The following MTHFD1L variants were observed in gnomAD, a reference collection of about 807,000 sequenced individuals.
MTHFD1L encodes the protein methylenetetrahydrofolate dehydrogenase (NADP+ dependent) 1 like, also known as monofunctional C1-tetrahydrofolate synthase, mitochondrial.
MTHFD1L carries 81 observed loss-of-function variants against 119.5 expected under a neutral mutation model. The ratio of observed to expected loss-of-function variants is 0.68; its 90% CI spans 0.57 to 0.82. The LOEUF (loss-of-function observed/expected upper bound fraction) is 0.82, where lower values mean the gene tolerates loss of function less well. Ranked by LOEUF, MTHFD1L falls within the 40% of genes least tolerant of loss-of-function variation. MTHFD1L has a pLI of 0.00. For missense variants in MTHFD1L, 1,125 were observed against 1,253.4 expected (o/e 0.90, Z 1.55); for synonymous variants, 430 against 475.2 (o/e 0.90, Z 1.24).
chr6:151,041,047 C>A (rs1264042382), intron 26 of MTHFD1L, among the ~76,000 whole-genome samples: 1 of 152,204 alleles, frequency 6.6e-6, no homozygotes, highest in African/African-American at 2.4e-5. Flanking sequence ...CCTCCTGTGG[C>A]CACACACGGG....
chr6:150,912,811 G>A (rs1787149032), intron 8 of MTHFD1L: 1 of 379,240 alleles, frequency 2.6e-6, no homozygotes, highest in Admixed American at 2.8e-5. Context: ...TCGTTGGACT[G>A]TGATCCCAGG....
At chr6:151,046,473 A>ATATATATATATATATATATG (rs1788071170) in intron 26 of MTHFD1L, among the ~76,000 whole-genome samples, 1 of 6,044 alleles carries the variant, frequency 1.7e-4, no homozygotes, top group African/African-American at 4.4e-4. Context: ...GTGTGTGTGT[A>ATATATATATATATATATATG]TATATATATA....
intron 13 of MTHFD1L, among the ~76,000 whole-genome samples, chr6:150,943,776 G>A (rs180737569): frequency 6.7e-4 from 102 of 152,234 alleles, no homozygotes; most frequent in African/African-American, 2.2e-3. Context: ...AATGATAATC[G>A]AGTGTGCTCA....
intron 26 of MTHFD1L, among the ~76,000 whole-genome samples, chr6:151,071,776 C>T (rs1453298650): frequency 3.4e-5 from 5 of 149,126 alleles, no homozygotes; most frequent in Admixed American, 2.7e-4. Flanking sequence ...ATTTCCTCTT[C>T]TTTTCTACAG....
At chr6:150,903,217 T>C (rs1165259686) in intron 7 of MTHFD1L, among the ~76,000 whole-genome samples, 12 of 133,712 alleles carry the variant, frequency 9.0e-5, no homozygotes, top group African/African-American at 2.3e-4. Flanking sequence ...TTTTTTTTTT[T>C]TTTTTTTTTT....
intron 8 of MTHFD1L, chr6:150,913,082 C>G (rs933317159): frequency 9.1e-5 from 14 of 154,248 alleles, no homozygotes; most frequent in African/African-American, 3.4e-4. Flanking sequence ...CAACTGCAGG[C>G]CCACTGCATC....
intron 15 of MTHFD1L, among the ~76,000 whole-genome samples, chr6:150,948,016 T>C (rs184575160): frequency 2.0e-4 from 30 of 147,596 alleles, no homozygotes; most frequent in African/African-American, 7.4e-4. Flanking sequence ...TTGTTTTTTG[T>C]TTTTTTTTGA....
At chr6:150,900,143 G>T (rs1784890001) in intron 7 of MTHFD1L, among the ~76,000 whole-genome samples, 1 of 151,890 alleles carries the variant, frequency 6.6e-6, no homozygotes, top group Non-Finnish European at 1.5e-5. Context: ...TATTAGGCAT[G>T]GTTCCTAATG....
chr6:151,074,590 A>G (rs911245189), intron 26 of MTHFD1L, among the ~76,000 whole-genome samples: 10 of 152,240 alleles, frequency 6.6e-5, no homozygotes, highest in Admixed American at 2.0e-4. Context: ...TGAAATGTGT[A>G]TGTAGTCATG....
In MTHFD1L at chr6:150,894,397, C is replaced by T. The variant is rs76614008; in HGVS notation, c.780+6416C>T. On this transcript the variant is annotated intron_variant, in intron 7 of 27. Transcript: ENST00000367321. ...CTCTCTGTCTGTGAGGTCTCCCAGC[C>T]GAATATTGGCCAAGGGAGTGAAACC... Among the ~76,000 whole-genome samples the T allele has an allele frequency of 2.0e-4, 31 of 152,098 alleles. No individual in the cohort carries two copies. The East Asian group carries it at 5.4e-3, about 27-fold the overall frequency.
chr6:150,964,930 T>C (rs1562465159), intron 18 of MTHFD1L, 39 bp from the exon 19 acceptor site: 18 of 1,597,002 alleles, frequency 1.1e-5, no homozygotes, highest in Non-Finnish European at 1.5e-5. Flanking sequence ...GCCTGGATGA[T>C]ATTTTGTCAG....
chr6:150,879,593 T>A (rs1781043370), intron 4 of MTHFD1L, among the ~76,000 whole-genome samples: 1 of 150,844 alleles, frequency 6.6e-6, no homozygotes, highest in Admixed American at 6.6e-5. Flanking sequence ...CAGCTGGAAT[T>A]TGCTTTTCTT....
intron 26 of MTHFD1L, among the ~76,000 whole-genome samples, chr6:151,040,322 G>A (rs1562580781): frequency 6.6e-6 from 1 of 152,208 alleles, no homozygotes; most frequent in East Asian, 1.9e-4. Flanking sequence ...GGTGGTAGAC[G>A]CAGATAGAAG....
At chr6:150,890,728 G>T (rs1783110123) in intron 7 of MTHFD1L, among the ~76,000 whole-genome samples, 3 of 152,112 alleles carry the variant, frequency 2.0e-5, no homozygotes, top group Admixed American at 2.0e-4. Flanking sequence ...GGAAAGTCTA[G>T]CAAAAAGCTC....
chr6:150,937,263 G>A (rs1176208019), intron 12 of MTHFD1L, among the ~76,000 whole-genome samples: 8 of 152,064 alleles, frequency 5.3e-5, no homozygotes, highest in Admixed American at 4.6e-4. Flanking sequence ...CATCCATATC[G>A]GTGTTTGATC....
At position 150,950,906 on chromosome 6, in the gene MTHFD1L, C is replaced by T. The variant is rs546079502; in HGVS notation, c.1726+1773C>T. On this transcript the variant is annotated intron_variant, in intron 16 of 27. Coordinates refer to ENST00000367321, the MANE Select transcript of MTHFD1L (RefSeq NM_015440.5). ...CTGGTCTGGAACTCCTGACCTCAAA[C>T]GATCCGCCCACCTCAGCCTCCCAAA... Among the ~76,000 whole-genome samples, 10 of 152,016 alleles carry T rather than the reference C, an allele frequency of 6.6e-5. No homozygotes were observed. In the South Asian group the frequency reaches 1.5e-3, roughly 22 times the overall value.
At chr6:151,062,939 C>T (rs552215687) in intron 26 of MTHFD1L, among the ~76,000 whole-genome samples, 16 of 151,806 alleles carry the variant, frequency 1.1e-4, no homozygotes, top group African/African-American at 3.4e-4. Context: ...ATGTAAATGT[C>T]GAGTTAATGG....
intron 26 of MTHFD1L, among the ~76,000 whole-genome samples, chr6:151,064,985 G>A (rs1206375562): frequency 6.6e-6 from 1 of 151,846 alleles, no homozygotes; most frequent in Non-Finnish European, 1.5e-5. Context: ...TGTATTTTTA[G>A]TAGAGATGAG....
intron 8 of MTHFD1L, among the ~76,000 whole-genome samples, chr6:150,909,473 C>T (rs1786496993): frequency 6.6e-6 from 1 of 152,018 alleles, no homozygotes; most frequent in Non-Finnish European, 1.5e-5. Context: ...GAACTCCCGG[C>T]CTCAAATAGT....
Sources: allele counts gnomAD v4.1 joint callset (sites outside exome capture counted in the v4.1 genomes callset), GRCh38; gene constraint gnomAD v4.1.1; transcripts MANE v1.5; gene names NCBI Gene and HGNC (gene_info 2026-07-23, HGNC 2026-07-21).